Variants in FCRLA observed in about 807,000 individuals in gnomAD.
FCRLA encodes Fc receptor like A, also known as Fc receptor-like A.
Under a neutral mutation model 28.4 loss-of-function variants are expected in FCRLA, and 26 were observed. That is an observed-to-expected ratio of 0.91 (90% CI 0.67 to 1.27). The LOEUF (loss-of-function observed/expected upper bound fraction) is 1.27, where lower values mean the gene tolerates loss of function less well. Among genes scored for constraint, FCRLA ranks in the 50% most tolerant of loss-of-function variants. The pLI is 0.00. For synonymous variants in FCRLA, 174 were observed against 168.5 expected (o/e 1.03, Z -0.25); for missense variants, 422 against 433.1 (o/e 0.97, Z 0.23).
Position 161,707,352 on chromosome 1 carries a change from A to T in FCRLA, c.79+9A>T. 1 of 1,572,056 alleles carries T rather than the reference A, an allele frequency of 6.4e-7. No individual in the cohort carries two copies. Among genetic ancestry groups the T allele is most frequent in the Non-Finnish European group, 8.6e-7 (1 of 1,162,976 alleles). On this transcript the variant is annotated intron_variant, in intron 1 of 4. Coordinates refer to ENST00000236938, the MANE Select transcript of FCRLA (RefSeq NM_032738.4). ...GGCCCAGATGCTACTGGGTAAGTAA[A>T]ATATTTGAATATTGGTGTGGGAATG...
At chr1:161,710,672 G>T in intron 1 of FCRLA, 88 bp from the exon 2 acceptor site, 1 of 1,542,002 alleles carries the variant, frequency 6.5e-7, no homozygotes, top group South Asian at 1.1e-5. Context: ...TAAAAAGGAT[G>T]ATTATCCTGG....
At chr1:161,707,632 C>T (rs1682883001) in intron 1 of FCRLA, among the ~76,000 whole-genome samples, 1 of 152,220 alleles carries the variant, frequency 6.6e-6, no homozygotes, top group Non-Finnish European at 1.5e-5. Flanking sequence ...ATAGTTTGCA[C>T]TTGCTATCTC....
At position 161,712,142 on chromosome 1, in the gene FCRLA, G is replaced by C; in HGVS notation, c.708G>C (p.Gly236=). 6.2e-7 allele frequency: 1 copy of C among 1,614,182 alleles called. No homozygotes were observed. Among genetic ancestry groups the C allele is most frequent in the Non-Finnish European group, 8.5e-7 (1 of 1,180,026 alleles). The change falls in exon 4 of 5, where the codon GGG becomes GGC. Residue 236 remains glycine (G), a synonymous_variant. Coordinates refer to ENST00000236938, the MANE Select transcript of FCRLA (RefSeq NM_032738.4). ...CCACAGCTTCAGAAGATCACTCCGGGTCATACTGGTGTGAGGCAGCCACTG... is the reference window on the plus strand; with the variant it reads ...CCACAGCTTCAGAAGATCACTCCGGCTCATACTGGTGTGAGGCAGCCACTG... ...QIPTASEDHS[G]SYWCEAATED...
Position 161,710,855 on chromosome 1 carries a change from G to A in FCRLA, c.175G>A (p.Gly59Ser), listed in dbSNP as rs1207467146. 6.2e-7 allele frequency: 1 copy of A among 1,613,910 alleles called. No individual in the cohort carries two copies. ...EDDLTDAREA[G>S]FQVKAYTFSE... ...TGACTTGACTGATGCAAGGGAAGCT[G>A]GCTTCCAGGTCAAGGCCTACACTTT... is the stretch of plus-strand genomic sequence containing the variant. Residue 59 changes from glycine (G) to serine (S), a missense_variant, in exon 2 of 5, where the codon GGC (glycine) becomes AGC (serine). By Grantham distance (56) the Gly-to-Ser change is moderately conservative. Transcript: ENST00000236938.
intron 3 of FCRLA, 103 bp downstream of exon 3, chr1:161,711,577 C>A: frequency 1.4e-6 from 2 of 1,428,002 alleles, no homozygotes; most frequent in East Asian, 2.4e-5. Flanking sequence ...CATCAACAGA[C>A]TATGGAGCAG....
chr1:161,708,784 G>T (rs1439749082), intron 1 of FCRLA, among the ~76,000 whole-genome samples: 2 of 152,142 alleles, frequency 1.3e-5, no homozygotes, highest in African/African-American at 4.8e-5. Flanking sequence ...TTTCTTGAAT[G>T]CTTCTTTCTG....
At chr1:161,708,927 T>C (rs1682962078) in intron 1 of FCRLA, among the ~76,000 whole-genome samples, 1 of 152,232 alleles carries the variant, frequency 6.6e-6, no homozygotes, top group Admixed American at 6.5e-5. Flanking sequence ...TTTTTTTGTT[T>C]TTGTCTTGTG....
chr1:161,712,086 A>T lies in FCRLA; in HGVS notation c.652A>T (p.Ser218Cys). 1 of 1,614,188 alleles carries T rather than the reference A, an allele frequency of 6.2e-7. No homozygotes were observed. The highest frequency in any genetic ancestry group is 8.5e-7 in the Non-Finnish European group (1 of 1,180,028). ...CTACAAGGATGGAAGGATAGTGCAA[A>T]GCAGGGGGCTCTCCTCAGAATTCCA... ...SFYKDGRIVQ[S>C]RGLSSEFQIP... Residue 218 changes from serine to cysteine, a missense_variant, in exon 4 of 5, where the codon AGC (serine) becomes TGC (cysteine). Ser to Cys is a moderately radical substitution (Grantham distance 112, BLOSUM62 -1). Transcript: ENST00000236938.
At chr1:161,712,940 C>G (rs1007949613) in intron 4 of FCRLA, 145 bp from the exon 5 acceptor site, 1 of 889,912 alleles carries the variant, frequency 1.1e-6, no homozygotes, top group African/African-American at 1.7e-5. Flanking sequence ...AAATTTGGAC[C>G]AGGAGGGACA....
intron 3 of FCRLA, 117 bp from the exon 4 acceptor site, chr1:161,711,817 C>A: frequency 8.2e-7 from 1 of 1,222,550 alleles, no homozygotes; most frequent in Non-Finnish European, 1.1e-6. Flanking sequence ...TCTAAGAGAG[C>A]CCATTCCTGC....
intron 4 of FCRLA, among the ~76,000 whole-genome samples, chr1:161,712,670 T>C (rs975309676): frequency 6.6e-6 from 1 of 152,150 alleles, no homozygotes; most frequent in Admixed American, 6.5e-5. Context: ...TGGAAGGGGC[T>C]GGAGATGCTA....
intron 1 of FCRLA, among the ~76,000 whole-genome samples, chr1:161,708,668 C>T (rs1398870680): frequency 6.6e-6 from 1 of 152,218 alleles, no homozygotes; most frequent in African/African-American, 2.4e-5. Flanking sequence ...ATACCACTAT[C>T]TCTACCTGAA....
Position 161,709,911 on chromosome 1 carries a change from G to A in FCRLA, c.80-849G>A, listed in dbSNP as rs146430847. The stretch of plus-strand genomic sequence containing the variant: ...CCACAGTTACTAATATGGACTGGGA[G>A]GAGGGGAAAAAAGACAGAGAAAGCT... On this transcript the variant is annotated intron_variant, in intron 1 of 4. Transcript: ENST00000236938. Among the ~76,000 whole-genome samples the A allele has an allele frequency of 2.0e-5, 3 of 152,264 alleles. No individual in the cohort carries two copies. In the East Asian group the frequency reaches 5.8e-4, roughly 29 times the overall value.
chr1:161,711,340 C>A lies in FCRLA; in HGVS notation c.365C>A (p.Pro122His), dbSNP rs1683090186. The A allele has an allele frequency of 6.2e-7, 1 of 1,614,096 alleles. No individual in the cohort carries two copies. The highest frequency in any genetic ancestry group is 8.5e-7 in the Non-Finnish European group (1 of 1,180,040). The change falls in exon 3 of 5, where the codon CCC (proline) becomes CAC (histidine). Residue 122 changes from proline (P) to histidine (H), a missense_variant. Physicochemically the swap from Pro to His is moderately conservative, Grantham distance 77 (BLOSUM62 -2). Transcript: ENST00000236938. The part of the protein sequence containing the change: ...FYRDGSALGP[P>H]GPNREFSITV... ...CGAGATGGCTCAGCTCTGGGTCCCCCCGGGCCTAACAGGGAATTCTCCATC... is the reference window on the plus strand; with the variant it reads ...CGAGATGGCTCAGCTCTGGGTCCCCACGGGCCTAACAGGGAATTCTCCATC...
At position 161,713,237 on chromosome 1, in the gene FCRLA, C is replaced by T. The variant is rs1683197415; in HGVS notation, c.937C>T (p.Pro313Ser). 1 of 1,614,112 alleles carries T rather than the reference C, an allele frequency of 6.2e-7. No homozygotes were observed. Among genetic ancestry groups the T allele is most frequent in the South Asian group, 1.1e-5 (1 of 91,092 alleles). ...AGGCTTTTCTTCTCCTCTGGGGATGCCAGATCCTCATCTGTATCACCAGAT... is the reference window on the plus strand; with the variant it reads ...AGGCTTTTCTTCTCCTCTGGGGATGTCAGATCCTCATCTGTATCACCAGAT... ...DPGFSSPLGM[P>S]DPHLYHQMGL... Residue 313 changes from proline (P) to serine (S), a missense_variant, in exon 5 of 5, where the codon CCA becomes TCA. Pro to Ser is a moderately conservative substitution (Grantham distance 74). Transcript: ENST00000236938.
chr1:161,713,044 C>A, intron 4 of FCRLA, 41 bp from the exon 5 acceptor site: 1 of 1,571,126 alleles, frequency 6.4e-7, no homozygotes, highest in South Asian at 1.2e-5. Context: ...GGGCCAGAGT[C>A]AGACTTCACT....
Position 161,713,440 on chromosome 1 carries a change from T to G in FCRLA, c.*60T>G. The G allele has an allele frequency of 7.1e-7, 1 of 1,401,666 alleles. No individual in the cohort carries two copies. Among genetic ancestry groups the G allele is most frequent in the Non-Finnish European group, 9.8e-7 (1 of 1,019,118 alleles). 86.8% of individuals were successfully genotyped at this position (1,401,666 alleles called of 1,614,324 possible). On this transcript the variant is annotated 3_prime_UTR_variant, in exon 5 of 5. Transcript: ENST00000236938. Reference sequence around the variant, plus strand: ...CCCCAATAAATCTGATTCTTTATTTTCTCTTCCTGTCCTGCACATATGCAT... The same window carrying G: ...CCCCAATAAATCTGATTCTTTATTTGCTCTTCCTGTCCTGCACATATGCAT...
Position 161,710,784 on chromosome 1 carries a change from G to T in FCRLA, c.104G>T (p.Cys35Phe). The change falls in exon 2 of 5, where the codon TGT (cysteine) becomes TTT (phenylalanine). Residue 35 changes from cysteine to phenylalanine, a missense_variant. Coordinates refer to ENST00000236938, the MANE Select transcript of FCRLA (RefSeq NM_032738.4). ...LLAASFETLQCEGPVCTEESS... is the reference protein window; with the variant it reads ...LLAASFETLQFEGPVCTEESS... ...GCTGCCAGTTTTGAGACGCTGCAGT[G>T]TGAGGGACCTGTCTGCACTGAGGAG... is the stretch of plus-strand genomic sequence containing the variant. 2.5e-6 allele frequency: 4 copies of T among 1,614,180 alleles called. No individual in the cohort carries two copies. The highest frequency in any genetic ancestry group is 3.4e-6 in the Non-Finnish European group (4 of 1,180,036).
At chr1:161,710,969 C>A in intron 2 of FCRLA, 57 bp downstream of exon 2, 2 of 1,598,904 alleles carry the variant, frequency 1.3e-6, no homozygotes, top group East Asian at 2.2e-5. Context: ...AGCCTCAGAG[C>A]CCACCCAGGA....
Sources: gnomAD v4.1 joint callset for allele counts (sites outside exome capture counted in the v4.1 genomes callset) on GRCh38, gnomAD v4.1.1 for gene constraint, MANE v1.5 for transcripts, NCBI Gene and HGNC (gene_info 2026-07-23, HGNC 2026-07-21) for gene names.